UBR3: variants seen among roughly 807,000 people sequenced by gnomAD.
UBR3 encodes ubiquitin protein ligase E3 component n-recognin 3.
UBR3 carries 85 observed loss-of-function variants against 243.2 expected under a neutral mutation model. That is an observed-to-expected ratio of 0.35 (90% CI 0.29 to 0.42). UBR3 has a LOEUF of 0.42. Ranked by LOEUF, UBR3 falls within the 10% of genes least tolerant of loss-of-function variation. The pLI, the probability that UBR3 is intolerant of heterozygous loss-of-function variation, is 1.00. For missense variants in UBR3, 1,686 were observed against 2,300.8 expected, an observed-to-expected ratio of 0.73 and a Z score of 5.47; for synonymous variants, 748 against 799.8, an observed-to-expected ratio of 0.94 and a Z score of 1.09.
At chr2:169,860,798 A>G (rs1574067466) in intron 1 of UBR3, among the ~76,000 whole-genome samples, 11 of 152,194 alleles carry the variant, frequency 7.2e-5, no homozygotes, top group Admixed American at 6.6e-4. Context: ...GACTCACACA[A>G]TCACAAGGTA....
At chr2:169,893,417 T>A (rs1230783347) in intron 6 of UBR3, among the ~76,000 whole-genome samples, 4 of 152,256 alleles carry the variant, frequency 2.6e-5, no homozygotes, top group African/African-American at 7.2e-5. Flanking sequence ...TTAATAGTAC[T>A]AGTTTTATTC....
At chr2:169,958,360 A>G in intron 23 of UBR3, 78 bp from the exon 24 acceptor site, 1 of 1,286,612 alleles carries the variant, frequency 7.8e-7, no homozygotes. Context: ...GGCTTTTCAT[A>G]CATTATATAC....
intron 1 of UBR3, among the ~76,000 whole-genome samples, chr2:169,840,258 G>A (rs976854251): frequency 6.6e-6 from 1 of 152,128 alleles, no homozygotes; most frequent in Non-Finnish European, 1.5e-5. Context: ...ACCTCCCTCT[G>A]GGCCTGAGCT....
chr2:169,995,341 A>G (rs1272318988), intron 26 of UBR3, among the ~76,000 whole-genome samples: 1 of 152,218 alleles, frequency 6.6e-6, no homozygotes, highest in Non-Finnish European at 1.5e-5. Context: ...AAAATTGGGT[A>G]AATCGTTATC....
At chr2:169,971,654 C>A (rs1349714484) in intron 24 of UBR3, among the ~76,000 whole-genome samples, 1 of 152,144 alleles carries the variant, frequency 6.6e-6, no homozygotes, top group Non-Finnish European at 1.5e-5. Context: ...AGCGTTGTTT[C>A]TGAGGGCTCT....
At chr2:170,031,986 C>CAAA (rs2090684384) in intron 31 of UBR3, among the ~76,000 whole-genome samples, 1 of 152,072 alleles carries the variant, frequency 6.6e-6, no homozygotes, top group Non-Finnish European at 1.5e-5. Context: ...GATGTACATG[C>CAAA]AAGTACATGT....
intron 36 of UBR3, chr2:170,077,619 T>C (rs1421959516): frequency 8.4e-6 from 4 of 474,272 alleles, no homozygotes; most frequent in Non-Finnish European, 1.5e-5. Context: ...AGAGTCTCAC[T>C]CTGTTGCCCA....
At position 169,827,504 on chromosome 2, in the gene UBR3, C is replaced by G. The variant is rs1424519478; in HGVS notation, c.-4C>G. On this transcript the variant is annotated 5_prime_UTR_variant, in exon 1 of 39. Transcript: ENST00000272793. ...CTGGACTCTCCAAATTCTGAGCTCT[C>G]ATCATGGCGGCGGCGGCCGCGGCGG... 24 of 1,228,982 alleles carry G rather than the reference C, an allele frequency of 2.0e-5. No individual in the cohort carries two copies. The highest frequency in any genetic ancestry group is 3.1e-5 in the African/African-American group (2 of 64,008). The allele number at this position is 1,228,982 out of a possible 1,614,324, so 76.1% of individuals were successfully genotyped here.
intron 29 of UBR3, among the ~76,000 whole-genome samples, chr2:170,012,001 G>C (rs1349032706): frequency 1.3e-5 from 2 of 152,070 alleles, no homozygotes; most frequent in Non-Finnish European, 2.9e-5. Context: ...CTGGTGAGTA[G>C]CAGGTGGTTT....
chr2:169,832,821 T>G (rs1558994795), intron 1 of UBR3, among the ~76,000 whole-genome samples: 1 of 151,666 alleles, frequency 6.6e-6, no homozygotes, highest in South Asian at 2.1e-4. Context: ...TAATCCCAGC[T>G]ACTCTGGAGG....
intron 24 of UBR3, among the ~76,000 whole-genome samples, chr2:169,977,384 A>G (rs1195079361): frequency 6.6e-6 from 1 of 152,220 alleles, no homozygotes; most frequent in East Asian, 1.9e-4. Flanking sequence ...ATGATCGGCC[A>G]TCTGCAAGCC....
At chr2:169,900,880 T>G (rs2084795101) in intron 8 of UBR3, among the ~76,000 whole-genome samples, 1 of 152,190 alleles carries the variant, frequency 6.6e-6, no homozygotes, top group South Asian at 2.1e-4. Flanking sequence ...TAGTCCTAGT[T>G]TTCCCAGAAT....
chr2:169,960,911 C>T lies in UBR3; in HGVS notation c.3634+2385C>T, dbSNP rs75642136. 2.3e-3 allele frequency among the ~76,000 whole-genome samples: 351 copies of T among 152,180 alleles called. 1 individual carries two copies. Among genetic ancestry groups the T allele is most frequent in the African/African-American group, 7.5e-3 (312 of 41,492 alleles). ...ACTGTTTTTGAGTCCAGTGGCTCAA[C>T]TCCTGGACCCCTTCAAAGAGACTAT... On this transcript the variant is annotated intron_variant, in intron 24 of 38. Transcript: ENST00000272793.
rs78840308 is a variant in UBR3, at chr2:170,060,790, G to A, written c.4786-289G>A. ...ATTATATCCCTGGAAAGAATTCCCA[G>A]GGGTGGGAATTACTTGGTCAAAAAA... On this transcript the variant is annotated intron_variant, in intron 33 of 38. Transcript: ENST00000272793. 7.6e-3 allele frequency among the ~76,000 whole-genome samples: 1,160 copies of A among 151,924 alleles called. 12 individuals are homozygous for A. The highest frequency in any genetic ancestry group is 0.026 in the African/African-American group (1,097 of 41,426).
At chr2:169,910,634 G>A (rs1029690109) in intron 10 of UBR3, among the ~76,000 whole-genome samples, 1 of 152,084 alleles carries the variant, frequency 6.6e-6, no homozygotes, top group Non-Finnish European at 1.5e-5. Context: ...TTATAGGAGC[G>A]TCTGGTTCCT....
intron 5 of UBR3, among the ~76,000 whole-genome samples, chr2:169,890,208 T>C (rs905091265): frequency 6.6e-6 from 1 of 152,052 alleles, no homozygotes; most frequent in African/African-American, 2.4e-5. Context: ...GCACCTACAC[T>C]CAGGGCTTCC....
At chr2:170,063,843 T>C (rs1335087740) in intron 35 of UBR3, among the ~76,000 whole-genome samples, 3 of 152,228 alleles carry the variant, frequency 2.0e-5, no homozygotes, top group South Asian at 2.1e-4. Flanking sequence ...TATATTGTAA[T>C]ATAAAGATTT....
Position 169,942,628 on chromosome 2 carries a change from T to G in UBR3, c.2799T>G (p.Leu933=). 6.5e-7 allele frequency: 1 copy of G among 1,541,064 alleles called. No homozygotes were observed. Among genetic ancestry groups the G allele is most frequent in the Non-Finnish European group, 8.7e-7 (1 of 1,144,364 alleles). The change falls in exon 20 of 39, where the codon CTT becomes CTG. Residue 933 remains leucine (L), a synonymous_variant. Transcript: ENST00000272793. The part of the protein sequence containing the change: ...KTLHIVLFTL[L]YKILMDHQNL... ...TACACATTGTGCTATTCACTCTGCT[T>G]TACAAGGTACAGTAGTAATTTGAAT...
chr2:169,979,512 T>C (rs1411529287), intron 24 of UBR3, among the ~76,000 whole-genome samples: 4 of 152,198 alleles, frequency 2.6e-5, no homozygotes, highest in Non-Finnish European at 5.9e-5. Flanking sequence ...TGTCCTTCCA[T>C]AGATGAATGG....
Sources: gnomAD v4.1 joint callset for allele counts (sites outside exome capture counted in the v4.1 genomes callset) on GRCh38, gnomAD v4.1.1 for gene constraint, MANE v1.5 for transcripts, NCBI Gene and HGNC (gene_info 2026-07-23, HGNC 2026-07-21) for gene names.